PTPRB: variants seen among roughly 807,000 people sequenced by gnomAD.
PTPRB encodes the protein receptor-type tyrosine-protein phosphatase beta.
In PTPRB, 97 loss-of-function variants were observed where a neutral mutation model predicts 238.1. The observed-to-expected ratio is 0.41, with a 90% CI of 0.35 to 0.48. The LOEUF (loss-of-function observed/expected upper bound fraction) is 0.48. Ranked by LOEUF, PTPRB falls within the 20% of genes least tolerant of loss-of-function variation. PTPRB has a pLI of 0.30. For synonymous variants in PTPRB, 970 were observed against 995.4 expected, an observed-to-expected ratio of 0.97 and a Z score of 0.48; for missense variants, 2,292 against 2,681.9, an observed-to-expected ratio of 0.85 and a Z score of 3.21.
chr12:70,537,010 C>G (rs1236986060), intron 28 of PTPRB, among the ~76,000 whole-genome samples: 1 of 152,126 alleles, frequency 6.6e-6, no homozygotes, highest in East Asian at 1.9e-4. Context: ...CTCGGCCGGG[C>G]GCAGTGGCTC....
chr12:70,620,878 G>T (rs1469970505), intron 3 of PTPRB, among the ~76,000 whole-genome samples: 1 of 152,172 alleles, frequency 6.6e-6, no homozygotes, highest in East Asian at 1.9e-4. Context: ...TGGATAAAGA[G>T]AAATTACTTA....
At chr12:70,573,328 A>G (rs1255836184) in intron 11 of PTPRB, among the ~76,000 whole-genome samples, 1 of 152,096 alleles carries the variant, frequency 6.6e-6, no homozygotes, top group Admixed American at 6.6e-5. Context: ...GCTACCTTTG[A>G]GTGAATTCAC....
chr12:70,521,789 T>TA (rs1871684954), intron 33 of PTPRB, among the ~76,000 whole-genome samples: 1 of 152,206 alleles, frequency 6.6e-6, no homozygotes, highest in African/African-American at 2.4e-5. Flanking sequence ...CACAGCTTGT[T>TA]ACAGCTAGTT....
intron 14 of PTPRB, among the ~76,000 whole-genome samples, chr12:70,569,183 G>C (rs1015822254): frequency 4.6e-5 from 7 of 152,000 alleles, no homozygotes; most frequent in African/African-American, 1.7e-4. Context: ...ACTCACTGCA[G>C]CCTTGACCTC....
intron 2 of PTPRB, among the ~76,000 whole-genome samples, chr12:70,627,160 A>G (rs562246516): frequency 2.6e-5 from 4 of 152,276 alleles, no homozygotes; most frequent in South Asian, 2.1e-4. Context: ...CTAACACCCT[A>G]TGTTTTCTTT....
chr12:70,586,738 C>T (rs538894181), intron 9 of PTPRB, among the ~76,000 whole-genome samples: 1 of 152,296 alleles, frequency 6.6e-6, no homozygotes, highest in South Asian at 2.1e-4. Context: ...TGCCCTATTT[C>T]TCTGCTCTCC....
intron 32 of PTPRB, among the ~76,000 whole-genome samples, chr12:70,525,064 T>G (rs74101665): frequency 0.015 from 2,208 of 151,904 alleles, 57 homozygotes; most frequent in African/African-American, 0.05. Flanking sequence ...ACAAATTGAG[T>G]AGATGAACAA....
At chr12:70,627,841 T>C (rs923090612) in intron 2 of PTPRB, among the ~76,000 whole-genome samples, 1 of 152,222 alleles carries the variant, frequency 6.6e-6, no homozygotes, top group Non-Finnish European at 1.5e-5. Flanking sequence ...AGGGTTTGTA[T>C]ACACAAAAGG....
At chr12:70,594,749 A>G (rs758969981) in intron 5 of PTPRB, 25 bp from the exon 6 acceptor site, 6 of 1,611,302 alleles carry the variant, frequency 3.7e-6, no homozygotes, top group Non-Finnish European at 5.1e-6. Flanking sequence ...TGCATGTCCA[A>G]ATGTCATTAA....
At chr12:70,606,101 A>G (rs73328133) in intron 4 of PTPRB, among the ~76,000 whole-genome samples, 3,615 of 152,296 alleles carry the variant, frequency 0.024, 123 homozygotes, top group African/African-American at 0.066. Context: ...TACATGAGGC[A>G]GAGTAAAGTC....
chr12:70,575,910 A>G (rs946385366), intron 11 of PTPRB, among the ~76,000 whole-genome samples: 2 of 152,138 alleles, frequency 1.3e-5, no homozygotes, highest in Non-Finnish European at 2.9e-5. Flanking sequence ...ACATTTCAGG[A>G]TGGATTTTAG....
chr12:70,582,913 T>C (rs146305887), intron 9 of PTPRB, among the ~76,000 whole-genome samples: 82 of 152,140 alleles, frequency 5.4e-4, no homozygotes, highest in Non-Finnish European at 1.1e-3. Flanking sequence ...AAAAGATAAA[T>C]GGGTGACAAA....
At chr12:70,557,552 C>T (rs1468126555) in intron 18 of PTPRB, among the ~76,000 whole-genome samples, 3 of 152,128 alleles carry the variant, frequency 2.0e-5, no homozygotes, top group Non-Finnish European at 4.4e-5. Context: ...TACAACAGTC[C>T]AGTTGTGACT....
At chr12:70,595,817 A>G (rs1269116875) in intron 5 of PTPRB, among the ~76,000 whole-genome samples, 2 of 152,218 alleles carry the variant, frequency 1.3e-5, no homozygotes, top group Admixed American at 1.3e-4. Context: ...CTCCAATTCC[A>G]CAGAAGTCCC....
At chr12:70,528,602 T>TTGAG (rs2136212185) in intron 32 of PTPRB, among the ~76,000 whole-genome samples, 1 of 152,252 alleles carries the variant, frequency 6.6e-6, no homozygotes, top group South Asian at 2.1e-4. Flanking sequence ...GCCCAGGAGT[T>TTGAG]TGAGTCTAGC....
intron 16 of PTPRB, 69 bp downstream of exon 16, chr12:70,562,775 C>G: frequency 6.4e-7 from 1 of 1,550,926 alleles, no homozygotes; most frequent in South Asian, 1.2e-5. Context: ...TAAGGACCAA[C>G]CAAGGAAAAG....
intron 15 of PTPRB, 97 bp from the exon 16 acceptor site, chr12:70,563,204 T>G: frequency 8.4e-7 from 1 of 1,186,146 alleles, no homozygotes; most frequent in South Asian, 1.5e-5. Context: ...AAGAGGAAGT[T>G]GGATTCAGTG....
chr12:70,529,898 GA>G (rs1426480803), intron 32 of PTPRB, among the ~76,000 whole-genome samples: 3 of 152,074 alleles, frequency 2.0e-5, no homozygotes, highest in Non-Finnish European at 2.9e-5. Flanking sequence ...ATGAAGCATT[GA>G]GTTTAATCAG....
chr12:70,569,636 G>A, intron 14 of PTPRB, 39 bp downstream of exon 14: 1 of 1,608,694 alleles, frequency 6.2e-7, no homozygotes, highest in Non-Finnish European at 8.5e-7. Context: ...GAACCATGAG[G>A]CATTCTACAA....
Sources: allele counts gnomAD v4.1 joint callset (sites outside exome capture counted in the v4.1 genomes callset), GRCh38; gene constraint gnomAD v4.1.1; transcripts MANE v1.5; gene names NCBI Gene and HGNC (gene_info 2026-07-23, HGNC 2026-07-21).